The following KAZN variants were observed in gnomAD, a reference collection of about 807,000 sequenced individuals.
The protein encoded by KAZN is kazrin.
In KAZN, 40 loss-of-function variants were observed where a neutral mutation model predicts 87.4. The observed-to-expected ratio is 0.46, with a 90% CI of 0.36 to 0.60. The LOEUF is 0.60. KAZN is among the 20% of genes least tolerant of loss of function. KAZN has a pLI of 0.00. For missense variants in KAZN, 898 were observed against 1,073.9 expected, an observed-to-expected ratio of 0.84 and a Z score of 2.29; for synonymous variants, 466 against 458.3, an observed-to-expected ratio of 1.02 and a Z score of -0.22.
upstream of KAZN, among the ~76,000 whole-genome samples, chr1:14,595,414 A>C (rs551284453): frequency 1.3e-5 from 2 of 152,142 alleles, no homozygotes; most frequent in South Asian, 4.1e-4. Context: ...GCTGTGGCTC[A>C]CGCCTGCAAT....
chr1:14,578,079 G>A (rs1490439171), intron 2 of KAZN, among the ~76,000 whole-genome samples: 1 of 152,050 alleles, frequency 6.6e-6, no homozygotes, highest in African/African-American at 2.4e-5. Flanking sequence ...TACTTGTCAG[G>A]ATATTCAATG....
intron 1 of KAZN, among the ~76,000 whole-genome samples, chr1:14,720,780 G>C (rs1643055079): frequency 6.6e-6 from 1 of 152,102 alleles, no homozygotes; most frequent in African/African-American, 2.4e-5. Context: ...GCAGTGGCAG[G>C]ATCTTGGCTC....
intron 8 of KAZN, among the ~76,000 whole-genome samples, chr1:15,089,342 G>C (rs536363918): frequency 1.3e-5 from 2 of 151,474 alleles, no homozygotes; most frequent in African/African-American, 4.9e-5. Context: ...ACCTCACTGA[G>C]AGCCCCACCC....
Position 14,279,555 on chromosome 1 carries a change from G to A in KAZN, c.249+98963G>A, listed in dbSNP as rs1383637714. Reference sequence around the variant, plus strand: ...ACTATCAGGGGTCTGGAGTGTTCTAGAAAACCCACAGTCATACAAGTGGTA... The same window carrying A: ...ACTATCAGGGGTCTGGAGTGTTCTAAAAAACCCACAGTCATACAAGTGGTA... On this transcript the variant is annotated intron_variant, in intron 2 of 16. Coordinates refer to the KAZN transcript ENST00000636203. 2.0e-5 allele frequency among the ~76,000 whole-genome samples: 3 copies of A among 152,178 alleles called. No homozygotes were observed. The South Asian group carries it at 6.2e-4, about 32-fold the overall frequency.
intron 2 of KAZN, among the ~76,000 whole-genome samples, chr1:14,320,050 C>G (rs547894632): frequency 2.0e-5 from 3 of 152,224 alleles, no homozygotes; most frequent in African/African-American, 4.8e-5. Flanking sequence ...TGGTGGTAAG[C>G]TTTTTACAAC....
chr1:14,743,150 G>A (rs1237039932), intron 1 of KAZN, among the ~76,000 whole-genome samples: 2 of 152,188 alleles, frequency 1.3e-5, no homozygotes, highest in Non-Finnish European at 2.9e-5. Context: ...TCCATAGTAG[G>A]TTCAGGTGTG....
At chr1:14,294,184 C>T (rs1653939559) in intron 2 of KAZN, among the ~76,000 whole-genome samples, 1 of 152,178 alleles carries the variant, frequency 6.6e-6, no homozygotes, top group Non-Finnish European at 1.5e-5. Context: ...GGGCCAACTT[C>T]CCTAAGCATC....
intron 1 of KAZN, among the ~76,000 whole-genome samples, chr1:14,042,494 G>T (rs1641881172): frequency 1.3e-5 from 2 of 152,082 alleles, no homozygotes; most frequent in African/African-American, 2.4e-5. Context: ...GGGCAAATTG[G>T]CTTGCTTTTC....
chr1:14,313,736 T>C (rs563723281), intron 2 of KAZN, among the ~76,000 whole-genome samples: 1 of 152,162 alleles, frequency 6.6e-6, no homozygotes, highest in Non-Finnish European at 1.5e-5. Flanking sequence ...ATCTCCCCTT[T>C]ACTCTGGCAT....
At chr1:14,036,023 G>T (rs151008135) in intron 1 of KAZN, among the ~76,000 whole-genome samples, 1 of 152,216 alleles carries the variant, frequency 6.6e-6, no homozygotes, top group African/African-American at 2.4e-5. Flanking sequence ...GCTTTATAGA[G>T]GAGGTATCAT....
At chr1:14,911,489 C>T (rs1657243328) in intron 1 of KAZN, among the ~76,000 whole-genome samples, 1 of 152,212 alleles carries the variant, frequency 6.6e-6, no homozygotes. Flanking sequence ...GCTCCGGCAT[C>T]CTGCATTTCC....
intron 1 of KAZN, among the ~76,000 whole-genome samples, chr1:14,794,012 T>G (rs1195496382): frequency 6.6e-6 from 1 of 152,122 alleles, no homozygotes; most frequent in African/African-American, 2.4e-5. Flanking sequence ...ACACCACAGG[T>G]CCTGACCTTT....
At chr1:14,642,534 G>GATACTA (rs1416292825) in intron 1 of KAZN, among the ~76,000 whole-genome samples, 10 of 152,342 alleles carry the variant, frequency 6.6e-5, no homozygotes, top group African/African-American at 2.4e-4. Flanking sequence ...AGAGGATACT[G>GATACTA]GAGGCTGGAG....
intron 1 of KAZN, among the ~76,000 whole-genome samples, chr1:14,920,276 G>GTTTTTTTT (rs55641056): frequency 7.4e-5 from 7 of 94,156 alleles, no homozygotes; most frequent in Admixed American, 1.4e-4. Context: ...CCTCTTTTCT[G>GTTTTTTTT]TTTTTTTTTT....
intron 2 of KAZN, among the ~76,000 whole-genome samples, chr1:14,514,603 A>ATATTT (rs1557770496): frequency 5.5e-4 from 20 of 36,608 alleles, no homozygotes; most frequent in Non-Finnish European, 8.1e-4. Flanking sequence ...TTTTATATAT[A>ATATTT]TATATATATA....
At chr1:14,478,619 C>T (rs1668903220) in intron 2 of KAZN, among the ~76,000 whole-genome samples, 1 of 152,128 alleles carries the variant, frequency 6.6e-6, no homozygotes, top group Non-Finnish European at 1.5e-5. Flanking sequence ...TAAATTTGTC[C>T]TCGCCCATCC....
intron 1 of KAZN, among the ~76,000 whole-genome samples, chr1:14,150,684 C>T (rs761523962): frequency 3.3e-5 from 5 of 152,104 alleles, no homozygotes; most frequent in Non-Finnish European, 4.4e-5. Context: ...TGGAAAGAGA[C>T]GATTTCACAT....
intron 1 of KAZN, among the ~76,000 whole-genome samples, chr1:14,919,076 G>C (rs1478296628): frequency 6.6e-6 from 1 of 152,138 alleles, no homozygotes; most frequent in African/African-American, 2.4e-5. Flanking sequence ...ATAAAAAAGA[G>C]CAAGTCAACT....
chr1:14,902,393 T>C lies in KAZN; in HGVS notation c.227-58291T>C, dbSNP rs139559980. Among the ~76,000 whole-genome samples, 1,031 of 151,902 alleles carry C rather than the reference T, an allele frequency of 6.8e-3. 11 individuals carry two copies. Among genetic ancestry groups the C allele is most frequent in the African/African-American group, 0.023 (961 of 41,366 alleles). On this transcript the variant is annotated intron_variant, in intron 1 of 14. Transcript: ENST00000376030. Reference sequence around the variant, plus strand: ...GGCACCCGCCACCACACCCGGCTAATTTTTTTGTATTTTTTTAGTAGAGAC... The same window carrying C: ...GGCACCCGCCACCACACCCGGCTAACTTTTTTGTATTTTTTTAGTAGAGAC...
Sources: allele counts gnomAD v4.1 joint callset (sites outside exome capture counted in the v4.1 genomes callset), GRCh38; gene constraint gnomAD v4.1.1; transcripts MANE v1.5; gene names NCBI Gene and HGNC (gene_info 2026-07-23, HGNC 2026-07-21).